NUDT1: variants seen among roughly 807,000 people sequenced by gnomAD.
The protein encoded by NUDT1 is oxidized purine nucleoside triphosphate hydrolase.
NUDT1 carries 16 observed loss-of-function variants against 11.3 expected under a neutral mutation model. The observed-to-expected ratio is 1.41, with a 90% CI of 0.96 to 2.15. The LOEUF (loss-of-function observed/expected upper bound fraction) is 2.15. Among genes scored for constraint, NUDT1 ranks in the 30% most tolerant of loss-of-function variants. NUDT1 has a pLI of 0.00. For missense variants in NUDT1, 234 were observed against 208.4 expected (o/e 1.12, Z -0.76); for synonymous variants, 101 against 84.4 (o/e 1.20, Z -1.08).
Position 2,242,987 on chromosome 7 carries a change from G to A in NUDT1, c.-13+731G>A, listed in dbSNP as rs374140052. 96 of 716,912 alleles carry A rather than the reference G, an allele frequency of 1.3e-4. No homozygotes were observed. The African/African-American group carries it at 1.6e-3, about 12-fold the overall frequency. 44.4% of individuals were successfully genotyped at this position (716,912 alleles called of 1,614,324 possible). ...CGGCGGCTTGGAGAGTGAGTGCAAG[G>A]TTTTATGAGTGGAATTAGCCCTCAG... On this transcript the variant is annotated intron_variant, in intron 1 of 3. Coordinates refer to ENST00000356714, the MANE Select transcript of NUDT1 (RefSeq NM_002452.4).
At chr7:2,246,030 G>A (rs762039712) in intron 2 of NUDT1, among the ~76,000 whole-genome samples, 1 of 152,184 alleles carries the variant, frequency 6.6e-6, no homozygotes, top group Non-Finnish European at 1.5e-5. Flanking sequence ...GCCGCAGCTG[G>A]GGAGGAGGAC....
chr7:2,250,434 T>C (rs183520832), intron 3 of NUDT1, among the ~76,000 whole-genome samples: 20 of 147,614 alleles, frequency 1.4e-4, no homozygotes, highest in Admixed American at 1.1e-3. Flanking sequence ...ACCCCATCTC[T>C]ACAAAAAAAC....
intron 2 of NUDT1, among the ~76,000 whole-genome samples, chr7:2,246,706 A>G (rs982385912): frequency 6.6e-6 from 1 of 152,202 alleles, no homozygotes; most frequent in Non-Finnish European, 1.5e-5. Flanking sequence ...TCAAAGCTGA[A>G]TACAGTGGTG....
At chr7:2,242,392 G>A in intron 1 of NUDT1, 136 bp downstream of exon 1, 3 of 517,426 alleles carry the variant, frequency 5.8e-6, no homozygotes, top group Non-Finnish European at 1.0e-5. Context: ...AAGGAGACCA[G>A]AAGAGCAGGG....
intron 2 of NUDT1, among the ~76,000 whole-genome samples, chr7:2,248,414 G>A (rs10247829): frequency 0.032 from 4,892 of 152,264 alleles, 274 homozygotes; most frequent in African/African-American, 0.11. Flanking sequence ...ACCATAACCC[G>A]AAGTTGGAAC....
chr7:2,249,359 C>T (rs1794888594), intron 2 of NUDT1: 3 of 189,302 alleles, frequency 1.6e-5, no homozygotes, highest in Non-Finnish European at 3.3e-5. Context: ...CAGACAGGCC[C>T]AGAGTATAGG....
At chr7:2,245,426 C>T (rs1032011669) in intron 2 of NUDT1, among the ~76,000 whole-genome samples, 17 of 152,154 alleles carry the variant, frequency 1.1e-4, no homozygotes, top group East Asian at 5.8e-4. Context: ...GACGCTGCAG[C>T]CTAGTGGCTT....
chr7:2,244,705 C>T lies in NUDT1; in HGVS notation c.131C>T (p.Thr44Ile), dbSNP rs1344945128. The change falls in exon 2 of 4, where the codon ACC becomes ATC. Residue 44 changes from threonine to isoleucine, a missense_variant. Coordinates refer to ENST00000356714, the MANE Select transcript of NUDT1 (RefSeq NM_002452.4). ...GGGGGCAAAGTGCAAGAAGGAGAGACCATCGAGGATGGGGCTAGGAGGTAA... is the reference window on the plus strand; with the variant it reads ...GGGGGCAAAGTGCAAGAAGGAGAGATCATCGAGGATGGGGCTAGGAGGTAA... ...GFGGKVQEGE[T>I]IEDGARRELQ... 6.2e-7 allele frequency: 1 copy of T among 1,611,974 alleles called. No individual in the cohort carries two copies. The highest frequency in any genetic ancestry group is 2.2e-5 in the East Asian group (1 of 44,812).
chr7:2,245,430 G>C (rs956390894), intron 2 of NUDT1, among the ~76,000 whole-genome samples: 1 of 152,208 alleles, frequency 6.6e-6, no homozygotes, highest in Non-Finnish European at 1.5e-5. Flanking sequence ...CTGCAGCCTA[G>C]TGGCTTTCCA....
At position 2,244,730 on chromosome 7, in the gene NUDT1, A is replaced by G. The variant is rs1283350232; in HGVS notation, c.152+4A>G. The G allele has an allele frequency of 1.9e-6, 3 of 1,605,152 alleles. No individual in the cohort carries two copies. Among genetic ancestry groups the G allele is most frequent in the Non-Finnish European group, 2.5e-6 (3 of 1,176,694 alleles). On this transcript the variant is annotated splice_donor_region_variant and intron_variant, in intron 2 of 3. Coordinates refer to ENST00000356714, the MANE Select transcript of NUDT1 (RefSeq NM_002452.4). The stretch of plus-strand genomic sequence containing the variant: ...CCATCGAGGATGGGGCTAGGAGGTA[A>G]GGATGGGGCAGGTCTGGCCATAGAA...
intron 3 of NUDT1, among the ~76,000 whole-genome samples, chr7:2,250,238 TGAAA>T (rs1794935940): frequency 6.6e-6 from 1 of 152,140 alleles, no homozygotes; most frequent in South Asian, 2.1e-4. Context: ...GTAATGAGGA[TGAAA>T]TATAAACGAT....
chr7:2,243,825 T>C (rs1269170168), intron 1 of NUDT1, among the ~76,000 whole-genome samples: 1 of 152,210 alleles, frequency 6.6e-6, no homozygotes, highest in South Asian at 2.1e-4. Context: ...TCCAGGGTCC[T>C]TTTTTCAGCA....
At chr7:2,243,845 C>T (rs1794655421) in intron 1 of NUDT1, among the ~76,000 whole-genome samples, 1 of 152,136 alleles carries the variant, frequency 6.6e-6, no homozygotes. Context: ...AGGGACCTGG[C>T]GGAGGCATCG....
chr7:2,249,860 G>C lies in NUDT1; in HGVS notation c.156G>C (p.Glu52Asp). 1 of 1,613,428 alleles carries C rather than the reference G, an allele frequency of 6.2e-7. No homozygotes were observed. The highest frequency in any genetic ancestry group is 1.1e-5 in the South Asian group (1 of 91,088). The change falls in exon 3 of 4, where the codon GAG becomes GAC. Residue 52 changes from glutamate to aspartate, a missense_variant. Glu to Asp is a conservative substitution (Grantham distance 45). Transcript: ENST00000356714. ...CCCTGCCCACCTCTGCCCGCAGGGA[G>C]CTGCAGGAGGAGAGCGGTCTGACAG... ...GETIEDGARR[E>D]LQEESGLTVD...
At chr7:2,246,342 AAAGG>A (rs1440194827) in intron 2 of NUDT1, among the ~76,000 whole-genome samples, 2 of 152,188 alleles carry the variant, frequency 1.3e-5, no homozygotes, top group African/African-American at 4.8e-5. Context: ...CCTCCAGGAG[AAAGG>A]AAGGGAGAAT....
At chr7:2,249,724 T>C (rs1794902281) in intron 2 of NUDT1, 133 bp from the exon 3 acceptor site, 10 of 1,069,208 alleles carry the variant, frequency 9.4e-6, no homozygotes, top group East Asian at 2.6e-5. Flanking sequence ...CTAGGGGACA[T>C]CCTCCTGGGT....
chr7:2,246,748 A>T (rs1373263957), intron 2 of NUDT1, among the ~76,000 whole-genome samples: 3 of 151,952 alleles, frequency 2.0e-5, no homozygotes, highest in Admixed American at 2.0e-4. Context: ...TGAGGGGGGG[A>T]ACTGAGGCAC....
intron 1 of NUDT1, among the ~76,000 whole-genome samples, chr7:2,243,721 C>T (rs895556793): frequency 1.3e-5 from 2 of 152,202 alleles, no homozygotes; most frequent in Admixed American, 6.5e-5. Context: ...TACAGTGAAC[C>T]GCGATCACGC....
intron 2 of NUDT1, among the ~76,000 whole-genome samples, chr7:2,245,402 C>T (rs748450414): frequency 6.6e-6 from 1 of 152,170 alleles, no homozygotes; most frequent in African/African-American, 2.4e-5. Flanking sequence ...GGTCCTGGCA[C>T]GGAGGAAAGC....
Sources: allele counts gnomAD v4.1 joint callset (sites outside exome capture counted in the v4.1 genomes callset), GRCh38; gene constraint gnomAD v4.1.1; transcripts MANE v1.5; gene names NCBI Gene and HGNC (gene_info 2026-07-23, HGNC 2026-07-21).